The following ZNF362 variants were observed in gnomAD, a reference collection of about 807,000 sequenced individuals.
ZNF362 encodes the protein zinc finger protein 362, also known as rotund homolog.
In ZNF362, 11 loss-of-function variants were observed where a neutral mutation model predicts 42.9. The observed-to-expected ratio is 0.26, with a 90% confidence interval of 0.16 to 0.42. ZNF362 has a LOEUF of 0.42. Ranked by LOEUF, ZNF362 falls within the 20% of genes least tolerant of loss-of-function variation. ZNF362 has a pLI of 1.00. For missense variants in ZNF362, 362 were observed against 576.2 expected (o/e 0.63, Z 3.81); for synonymous variants, 255 against 257.3 (o/e 0.99, Z 0.09).
At chr1:33,270,738 G>T in intron 2 of ZNF362, 126 bp downstream of exon 2, 1 of 1,495,756 alleles carries the variant, frequency 6.7e-7, no homozygotes, top group East Asian at 2.4e-5. Flanking sequence ...CTGCCCTGGG[G>T]GAGGTGTGTG....
the ZNF362 span, among the ~76,000 whole-genome samples, chr1:33,194,614 A>G: frequency 6.6e-6 from 1 of 151,852 alleles, no homozygotes; most frequent in Non-Finnish European, 1.5e-5. Flanking sequence ...ATTAATAGCA[A>G]TAGAGATTCA....
intron 1 of ZNF362, among the ~76,000 whole-genome samples, chr1:33,268,949 G>A (rs1158079406): frequency 6.6e-6 from 1 of 152,208 alleles, no homozygotes; most frequent in African/African-American, 2.4e-5. Flanking sequence ...CCTGTGAGCA[G>A]GCTCTTACAA....
chr1:33,134,212 A>T, the ZNF362 span, among the ~76,000 whole-genome samples: 1 of 152,216 alleles, frequency 6.6e-6, no homozygotes, highest in Admixed American at 6.5e-5. Flanking sequence ...TTTAGCTGTC[A>T]TTAGGCATTA....
chr1:33,262,525 T>C (rs988455657), intron 1 of ZNF362, among the ~76,000 whole-genome samples: 3 of 152,038 alleles, frequency 2.0e-5, no homozygotes, highest in African/African-American at 7.3e-5. Flanking sequence ...GCCAGGATGG[T>C]CTCGATCTCC....
chr1:33,179,047 G>A, the ZNF362 span, among the ~76,000 whole-genome samples: 1 of 152,192 alleles, frequency 6.6e-6, no homozygotes, highest in Non-Finnish European at 1.5e-5. Flanking sequence ...CTGGAAGTGT[G>A]GCCTTGGGCA....
the ZNF362 span, among the ~76,000 whole-genome samples, chr1:33,202,063 T>A: frequency 3.3e-5 from 5 of 152,222 alleles, no homozygotes; most frequent in Admixed American, 6.5e-5. Context: ...CAAAGTTCAC[T>A]CAAGAAGAAA....
the ZNF362 span, chr1:33,181,613 C>G: frequency 8.4e-7 from 1 of 1,184,396 alleles, no homozygotes; most frequent in African/African-American, 1.6e-5. The surrounding 1 kb of genome is among the most constrained non-coding windows in gnomAD (Gnocchi z 6.5). Context: ...GGAAGGGGTG[C>G]GCGGCTGAGA....
In ZNF362 at chr1:33,282,072, A is replaced by C. The variant is rs1279559332; in HGVS notation, c.908+261A>C. 8 of 517,814 alleles carry C rather than the reference A, an allele frequency of 1.5e-5. No homozygotes were observed. In the East Asian group the frequency reaches 2.7e-4, roughly 17 times the overall value. 32.1% of individuals were successfully genotyped at this position (517,814 alleles called of 1,614,324 possible). ...CCCGCTTTTCCCTGTTTCTCTGGCCATCCCCTTGTCCTCTCTCAGTCTAGC... is the reference window on the plus strand; with the variant it reads ...CCCGCTTTTCCCTGTTTCTCTGGCCCTCCCCTTGTCCTCTCTCAGTCTAGC... On this transcript the variant is annotated intron_variant, in intron 6 of 8. Transcript: ENST00000539719.
intron 1 of ZNF362, among the ~76,000 whole-genome samples, chr1:33,263,224 T>C (rs897971444): frequency 6.6e-6 from 1 of 152,202 alleles, no homozygotes; most frequent in East Asian, 1.9e-4. Flanking sequence ...CTGGCCTGGA[T>C]CTACTGGAAA....
intron 1 of ZNF362, among the ~76,000 whole-genome samples, chr1:33,268,684 G>A (rs1474131252): frequency 6.6e-6 from 1 of 152,162 alleles, no homozygotes; most frequent in Non-Finnish European, 1.5e-5. Flanking sequence ...AGAGGATGCA[G>A]CCTGTGGAAG....
At chr1:33,207,113 C>G in the ZNF362 span, among the ~76,000 whole-genome samples, 1 of 151,796 alleles carries the variant, frequency 6.6e-6, no homozygotes, top group African/African-American at 2.4e-5. Context: ...CCCCCACTCC[C>G]CAACAGGCCC....
intron 6 of ZNF362, among the ~76,000 whole-genome samples, chr1:33,285,801 G>A (rs192374154): frequency 5.9e-5 from 9 of 152,280 alleles, no homozygotes; most frequent in African/African-American, 1.7e-4. Flanking sequence ...CATGGCTCAC[G>A]CCTGTAATCA....
chr1:33,145,827 G>A, the ZNF362 span: 4 of 470,010 alleles, frequency 8.5e-6, no homozygotes, highest in Admixed American at 7.1e-5. Flanking sequence ...AAAAACGCAG[G>A]TGGGGCTTGC....
At chr1:33,160,612 C>T in the ZNF362 span, among the ~76,000 whole-genome samples, 1 of 152,122 alleles carries the variant, frequency 6.6e-6, no homozygotes, top group South Asian at 2.1e-4. Flanking sequence ...ACCATGTTGG[C>T]CAGGCTGGTC....
chr1:33,147,523 G>T, the ZNF362 span: 2 of 1,613,800 alleles, frequency 1.2e-6, no homozygotes, highest in Non-Finnish European at 1.7e-6. The surrounding 1 kb of genome is among the most constrained non-coding windows in gnomAD (Gnocchi z 8.1). Context: ...CACCCACTGG[G>T]TCTTCTCCGC....
At chr1:33,291,439 C>A (rs1646077308) in intron 6 of ZNF362, among the ~76,000 whole-genome samples, 1 of 152,160 alleles carries the variant, frequency 6.6e-6, no homozygotes, top group African/African-American at 2.4e-5. Context: ...TGTTTTGGTA[C>A]CAGTATCATG....
rs1219003408 is a variant in ZNF362, at chr1:33,276,214, C to T, written c.102+51C>T. ...TGCCCTACCCTCCTTGGCGCTGCTT[C>T]GCTTCCCCTGGGTTTTGGCTGTGGC... On this transcript the variant is annotated intron_variant, in intron 3 of 8. Coordinates refer to ENST00000539719, the MANE Select transcript of ZNF362 (RefSeq NM_152493.3). 8 of 1,606,842 alleles carry T rather than the reference C, an allele frequency of 5.0e-6. No individual in the cohort carries two copies. In the Admixed American group the frequency reaches 8.4e-5, roughly 17 times the overall value.
At chr1:33,135,161 G>A in the ZNF362 span, among the ~76,000 whole-genome samples, 6 of 152,114 alleles carry the variant, frequency 3.9e-5, no homozygotes, top group Non-Finnish European at 7.3e-5. Context: ...ATGGTGGCAC[G>A]TGCCTGTAAT....
intron 1 of ZNF362, among the ~76,000 whole-genome samples, chr1:33,263,045 C>T (rs572739419): frequency 1.3e-5 from 2 of 152,378 alleles, no homozygotes; most frequent in South Asian, 4.1e-4. Flanking sequence ...TGGTGTTCAT[C>T]TGTACACAGC....
Sources: gnomAD v4.1 joint callset for allele counts (sites outside exome capture counted in the v4.1 genomes callset) on GRCh38, gnomAD v4.1.1 for gene constraint, Gnocchi (gnomAD v3.1) non-coding constraint, MANE v1.5 for transcripts, NCBI Gene and HGNC (gene_info 2026-07-23, HGNC 2026-07-21) for gene names.